Variants in ZDHHC7 observed in about 807,000 individuals in gnomAD.
ZDHHC7 encodes zDHHC palmitoyltransferase 7.
A neutral mutation model predicts 34.1 loss-of-function variants in ZDHHC7; 12 were observed. That is an observed-to-expected ratio of 0.35 (90% confidence interval 0.23 to 0.57). ZDHHC7 has a LOEUF of 0.57. Among genes scored for constraint, ZDHHC7 ranks in the 20% least tolerant of loss-of-function variants. The pLI, the probability that ZDHHC7 is intolerant of heterozygous loss-of-function variation, is 0.84. For synonymous variants in ZDHHC7, 185 were observed against 155.4 expected (o/e 1.19, Z -1.42); for missense variants, 388 against 402.7 (o/e 0.96, Z 0.31).
At chr16:85,020,564 T>C in the ZDHHC7 span, among the ~76,000 whole-genome samples, 1 of 152,084 alleles carries the variant, frequency 6.6e-6, no homozygotes, top group East Asian at 1.9e-4. Context: ...GCAAAGGAGC[T>C]TGAGGTCAAA....
At chr16:84,978,205 G>T in intron 5 of ZDHHC7, 200 bp from the exon 6 acceptor site, 1 of 460,464 alleles carries the variant, frequency 2.2e-6, no homozygotes, top group Non-Finnish European at 3.9e-6. Flanking sequence ...TAACTGTTTT[G>T]CATTTTTAGT....
chr16:84,982,725 C>G (rs1306894925), intron 3 of ZDHHC7, among the ~76,000 whole-genome samples: 1 of 152,252 alleles, frequency 6.6e-6, no homozygotes, highest in Non-Finnish European at 1.5e-5. Flanking sequence ...CCACCTGACC[C>G]GATTCATGTC....
upstream of ZDHHC7, among the ~76,000 whole-genome samples, chr16:85,015,985 C>A (rs1210972080): frequency 1.3e-5 from 2 of 152,030 alleles, no homozygotes; most frequent in African/African-American, 4.8e-5. Flanking sequence ...ATCTCTGTTT[C>A]AATGTTAGTT....
the ZDHHC7 span, among the ~76,000 whole-genome samples, chr16:85,023,061 C>T: frequency 6.6e-6 from 1 of 152,184 alleles, no homozygotes; most frequent in South Asian, 2.1e-4. Context: ...ACAAACAATT[C>T]TCCCCTAGAG....
chr16:84,977,055 G>T (rs1290383406), intron 7 of ZDHHC7, 40 bp downstream of exon 7: 1 of 1,611,358 alleles, frequency 6.2e-7, no homozygotes, highest in East Asian at 2.2e-5. Context: ...CTCAAGCTTG[G>T]ACCACATATG....
At chr16:84,993,421 C>T (rs1313516965) in intron 2 of ZDHHC7, among the ~76,000 whole-genome samples, 1 of 152,038 alleles carries the variant, frequency 6.6e-6, no homozygotes, top group Non-Finnish European at 1.5e-5. Context: ...CTCTTGAGCC[C>T]AGGAGTTTGA....
Position 84,979,177 on chromosome 16 carries a change from A to T in ZDHHC7, c.537+12T>A. On this transcript the variant is annotated intron_variant, in intron 5 of 7. Coordinates refer to ENST00000313732, the MANE Select transcript of ZDHHC7 (RefSeq NM_017740.3). ...TTCAATGTAAATTCAATACAAAAATATTTTTACTTACAGTGAAGAGCACAA... is the reference window on the plus strand; with the variant it reads ...TTCAATGTAAATTCAATACAAAAATTTTTTTACTTACAGTGAAGAGCACAA... 6.3e-7 allele frequency: 1 copy of T among 1,584,584 alleles called. No individual in the cohort carries two copies. The highest frequency in any genetic ancestry group is 8.5e-7 in the Non-Finnish European group (1 of 1,170,428).
intron 1 of ZDHHC7, among the ~76,000 whole-genome samples, chr16:85,003,176 C>G (rs1364448656): frequency 1.3e-5 from 2 of 152,138 alleles, no homozygotes; most frequent in South Asian, 4.2e-4. Context: ...GCCAAGTGAC[C>G]GAAACTCAGG....
chr16:85,011,495 G>A lies in ZDHHC7; in HGVS notation c.-313C>T, dbSNP rs1440652612. 1 of 152,368 alleles carries A rather than the reference G, an allele frequency of 6.6e-6. No individual in the cohort carries two copies. The highest frequency in any genetic ancestry group is 6.5e-5 in the Admixed American group (1 of 15,304). 9.4% of individuals were successfully genotyped at this position (152,368 alleles called of 1,614,324 possible). A position where few individuals can be genotyped will look rare whatever the true frequency, so the allele number is the denominator to read the frequency against. On this transcript the variant is annotated 5_prime_UTR_variant, in exon 1 of 8. Transcript: ENST00000313732. ...GCAGCCAAGCAAATGCCTCAGCCCG[G>A]AGCCTTGGCTGGAGAGCGGGGCGGT...
intron 3 of ZDHHC7, among the ~76,000 whole-genome samples, chr16:84,989,694 CAAAA>C (rs35823318): frequency 5.2e-5 from 5 of 96,488 alleles, no homozygotes; most frequent in African/African-American, 1.6e-4. Context: ...AACTCCGTCT[CAAAA>C]AAAAAAAAAA....
At chr16:84,986,051 G>A (rs761574606) in intron 3 of ZDHHC7, among the ~76,000 whole-genome samples, 11 of 151,638 alleles carry the variant, frequency 7.3e-5, no homozygotes, top group Non-Finnish European at 1.0e-4. Flanking sequence ...ATGAGCTACC[G>A]GTATTGAGGT....
rs146306211 is a variant in ZDHHC7 at position 84,986,768 on chromosome 16, T to C, written c.315+3536A>G. On this transcript the variant is annotated intron_variant, in intron 3 of 7. Transcript: ENST00000313732. The stretch of plus-strand genomic sequence containing the variant: ...GGCAATCCCAGCGAGGACTGCCCAG[T>C]CCTATTGGTTTAGAAAAATGACATG... 1.6e-3 allele frequency among the ~76,000 whole-genome samples: 245 copies of C among 152,304 alleles called. 1 individual carries two copies. The highest frequency in any genetic ancestry group is 2.2e-3 in the Non-Finnish European group (153 of 68,036).
intron 3 of ZDHHC7, among the ~76,000 whole-genome samples, chr16:84,985,161 C>A (rs575684650): frequency 2.6e-4 from 40 of 152,382 alleles, no homozygotes; most frequent in African/African-American, 9.4e-4. Flanking sequence ...AAACACCCAG[C>A]GGCCTCCCTT....
At chr16:85,006,169 C>T (rs1288995969) in intron 1 of ZDHHC7, among the ~76,000 whole-genome samples, 1 of 152,020 alleles carries the variant, frequency 6.6e-6, no homozygotes, top group Non-Finnish European at 1.5e-5. Context: ...CCAGCCTGGG[C>T]AACATAGCGA....
At chr16:85,019,515 C>G in the ZDHHC7 span, among the ~76,000 whole-genome samples, 1 of 152,070 alleles carries the variant, frequency 6.6e-6, no homozygotes, top group Middle Eastern at 3.2e-3. Context: ...GTCAGGAGTT[C>G]GAGACCAGCC....
At chr16:84,979,415 C>G (rs2072337972) in intron 4 of ZDHHC7, 130 bp from the exon 5 acceptor site, 4 of 1,297,308 alleles carry the variant, frequency 3.1e-6, no homozygotes, top group Middle Eastern at 2.3e-4. Context: ...AAATATCATA[C>G]ATTCTCACTA....
rs2072280957 is a variant in ZDHHC7, at chr16:84,975,318, G to A, written c.*1025C>T. Reference sequence around the variant, plus strand: ...CCTTCCCAGAGGTGCCCAATGGCTGGGCCCTGCCTCTCCAGTAAGGATGCC... The same window carrying A: ...CCTTCCCAGAGGTGCCCAATGGCTGAGCCCTGCCTCTCCAGTAAGGATGCC... On this transcript the variant is annotated 3_prime_UTR_variant, in exon 8 of 8. Transcript: ENST00000313732. 6.6e-6 allele frequency: 1 copy of A among 152,422 alleles called. No homozygotes were observed. Among genetic ancestry groups the A allele is most frequent in the East Asian group, 1.9e-4 (1 of 5,198 alleles). The allele number at this position is 152,422 out of a possible 1,614,324, so 9.4% of individuals were successfully genotyped here.
In ZDHHC7 at chr16:84,981,872, G is replaced by A. The variant is rs79203326; in HGVS notation, c.438C>T (p.Cys146=). 7.6e-5 allele frequency: 123 copies of A among 1,613,946 alleles called. No homozygotes were observed. In the African/African-American group the frequency reaches 1.6e-3, roughly 21 times the overall value. Residue 146 remains cysteine, a splice_region_variant and synonymous_variant, in exon 4 of 8, where the codon TGC becomes TGT. Transcript: ENST00000313732. ...CCIKPERAHH[C]SICKRCIRKM... ...GTTTAATACAGCAGCGCACGTACCT[G>A]CAGTGGTGGGCGCGCTCGGGTTTAA...
At chr16:84,982,689 C>G (rs905207211) in intron 3 of ZDHHC7, among the ~76,000 whole-genome samples, 1 of 152,256 alleles carries the variant, frequency 6.6e-6, no homozygotes, top group Non-Finnish European at 1.5e-5. Context: ...GGCATTCACA[C>G]ACAAACCTGG....
Sources: allele counts gnomAD v4.1 joint callset (sites outside exome capture counted in the v4.1 genomes callset), GRCh38; gene constraint gnomAD v4.1.1; transcripts MANE v1.5; gene names NCBI Gene and HGNC (gene_info 2026-07-23, HGNC 2026-07-21).